NALCN: variants seen among roughly 807,000 people sequenced by gnomAD.
NALCN encodes the protein sodium leak channel, non-selective, also known as sodium leak channel NALCN.
Under a neutral mutation model 225.3 loss-of-function variants are expected in NALCN, and 111 were observed. The ratio of observed to expected loss-of-function variants is 0.49; its 90% CI spans 0.42 to 0.58. The LOEUF (loss-of-function observed/expected upper bound fraction) is 0.58, where lower values mean the gene tolerates loss of function less well. Ranked by LOEUF, NALCN falls within the 20% of genes least tolerant of loss-of-function variation. The pLI is 0.00. For synonymous variants in NALCN, 764 were observed against 769.0 expected, an observed-to-expected ratio of 0.99 and a Z score of 0.11; for missense variants, 1,378 against 2,202.4, an observed-to-expected ratio of 0.63 and a Z score of 7.49.
chr13:101,178,744 A>G (rs1249026963), intron 14 of NALCN, among the ~76,000 whole-genome samples: 1 of 152,224 alleles, frequency 6.6e-6, no homozygotes, highest in Non-Finnish European at 1.5e-5. Context: ...AACTATATTT[A>G]ACAAGTGGTG....
chr13:101,080,760 TA>T (rs1277294909), intron 34 of NALCN, among the ~76,000 whole-genome samples: 9 of 110,098 alleles, frequency 8.2e-5, no homozygotes, highest in South Asian at 3.8e-4. Flanking sequence ...ATTAAATAAT[TA>T]ATTATTATTT....
intron 7 of NALCN, among the ~76,000 whole-genome samples, chr13:101,320,536 TA>T (rs1418352240): frequency 6.6e-6 from 1 of 152,178 alleles, no homozygotes; most frequent in Non-Finnish European, 1.5e-5. Flanking sequence ...CAGTGCCATA[TA>T]AAGAAGGTTT....
intron 40 of NALCN, among the ~76,000 whole-genome samples, chr13:101,062,514 T>G (rs776968037): frequency 6.6e-6 from 1 of 152,200 alleles, no homozygotes; most frequent in Non-Finnish European, 1.5e-5. Context: ...ATGGTTAATA[T>G]GCTCGGCTGT....
At chr13:101,281,554 C>T (rs954912815) in intron 10 of NALCN, among the ~76,000 whole-genome samples, 9 of 152,148 alleles carry the variant, frequency 5.9e-5, no homozygotes, top group Admixed American at 3.3e-4. Flanking sequence ...GCAGCATAGT[C>T]AACATCAAAT....
intron 7 of NALCN, among the ~76,000 whole-genome samples, chr13:101,337,772 G>C (rs900981237): frequency 6.6e-6 from 1 of 152,152 alleles, no homozygotes; most frequent in Non-Finnish European, 1.5e-5. Flanking sequence ...ACAAGCCACA[G>C]GAATGAAGGT....
At chr13:101,145,150 C>T (rs1182258008) in intron 15 of NALCN, among the ~76,000 whole-genome samples, 4 of 152,092 alleles carry the variant, frequency 2.6e-5, no homozygotes, top group Admixed American at 6.6e-5. Flanking sequence ...TCAAGGAAAA[C>T]TTTATGTCAT....
rs114166449 is a variant in NALCN at position 101,091,997 on chromosome 13, C to T, written c.3270-2031G>A. Among the ~76,000 whole-genome samples, 554 of 152,274 alleles carry T rather than the reference C, an allele frequency of 3.6e-3. 6 individuals are homozygous for T. The highest frequency in any genetic ancestry group is 0.013 in the African/African-American group (527 of 41,544). The stretch of plus-strand genomic sequence containing the variant: ...GTAAAGTGTTTTCTTATGCTTTCTT[C>T]ATGCTAGCAAAGTTGCAAAGTTTGA... On this transcript the variant is annotated intron_variant, in intron 28 of 43. Coordinates refer to ENST00000251127, the MANE Select transcript of NALCN (RefSeq NM_052867.4).
intron 6 of NALCN, among the ~76,000 whole-genome samples, chr13:101,346,087 C>CTCTCTCTCTCTCTCTCTATATATATATA: frequency 1.6e-4 from 11 of 70,956 alleles, no homozygotes; most frequent in East Asian, 4.2e-4. Flanking sequence ...CTCTCTCTCT[C>CTCTCTCTCTCTCTCTCTATATATATATA]TATATATATA....
intron 1 of NALCN, among the ~76,000 whole-genome samples, chr13:101,407,373 A>G (rs549326982): frequency 1.9e-3 from 283 of 152,306 alleles, no homozygotes; most frequent in Middle Eastern, 6.8e-3. Flanking sequence ...GGACTTTGCA[A>G]TAGATGATAT....
intron 6 of NALCN, among the ~76,000 whole-genome samples, chr13:101,352,673 T>A (rs2045940098): frequency 6.6e-6 from 1 of 152,142 alleles, no homozygotes. Context: ...CATGAGCTGA[T>A]TATAAACTGT....
Position 101,111,194 on chromosome 13 carries a change from G to T in NALCN, c.2225C>A (p.Ser742Ter). Reference protein sequence around the residue: ...ACTRQRMLSGSFEGQPAKERS... With the variant: ...ACTRQRMLSG ...CTCCTTTGCGGGCTGCCCCTCAAAT[G>T]ATCCGCTCAGCATGCGCTGTCGGGT... Residue 742 changes from serine to a stop codon, truncating the protein, a stop_gained, in exon 19 of 44, where the codon TCA (serine) becomes TAA (stop). Coordinates refer to ENST00000251127, the MANE Select transcript of NALCN (RefSeq NM_052867.4). LOFTEE classifies it high-confidence loss of function. 1 of 1,606,894 alleles carries T rather than the reference G, an allele frequency of 6.2e-7. No homozygotes were observed. The highest frequency in any genetic ancestry group is 8.5e-7 in the Non-Finnish European group (1 of 1,175,108).
chr13:101,080,813 C>T (rs989765599), intron 34 of NALCN, among the ~76,000 whole-genome samples: 3 of 149,318 alleles, frequency 2.0e-5, no homozygotes, highest in Non-Finnish European at 3.0e-5. Flanking sequence ...ATTTTCTAAA[C>T]CACTACTTTT....
At chr13:101,176,157 C>A in intron 15 of NALCN, 143 bp downstream of exon 15, 1 of 451,978 alleles carries the variant, frequency 2.2e-6, no homozygotes, top group Admixed American at 4.3e-5. Context: ...AAAAGTTAAA[C>A]TTAACACCAT....
intron 13 of NALCN, among the ~76,000 whole-genome samples, chr13:101,215,928 T>G (rs2040713304): frequency 6.6e-6 from 1 of 152,036 alleles, no homozygotes; most frequent in Non-Finnish European, 1.5e-5. Flanking sequence ...ACAATCTCTA[T>G]TTATGACTGA....
chr13:101,187,228 G>A (rs2584529), intron 14 of NALCN, among the ~76,000 whole-genome samples: 75,710 of 151,890 alleles, frequency 0.5, 20,397 homozygotes, highest in African/African-American at 0.71. Context: ...TATTGTTGTT[G>A]ATTTCTTACT....
intron 6 of NALCN, among the ~76,000 whole-genome samples, chr13:101,356,638 A>T (rs2046070067): frequency 6.6e-6 from 1 of 152,222 alleles, no homozygotes; most frequent in Non-Finnish European, 1.5e-5. Context: ...TTCTGAAACT[A>T]TTCCAAAAGA....
At chr13:101,235,246 T>C (rs2041511394) in intron 12 of NALCN, among the ~76,000 whole-genome samples, 1 of 152,122 alleles carries the variant, frequency 6.6e-6, no homozygotes, top group Non-Finnish European at 1.5e-5. Context: ...ACAGTTTTCT[T>C]TTTTCTCTCA....
intron 1 of NALCN, among the ~76,000 whole-genome samples, chr13:101,400,537 T>G (rs1162475402): frequency 7.0e-6 from 1 of 143,452 alleles, no homozygotes; most frequent in African/African-American, 2.6e-5. Context: ...TACAAGAACA[T>G]GTTTGCAGTG....
chr13:101,269,233 T>TATATATAG (rs2042696292), intron 10 of NALCN, among the ~76,000 whole-genome samples: 1 of 150,360 alleles, frequency 6.7e-6, no homozygotes, highest in Non-Finnish European at 1.5e-5. Flanking sequence ...TATATATATA[T>TATATATAG]ATATATATTT....
Sources: allele counts gnomAD v4.1 joint callset (sites outside exome capture counted in the v4.1 genomes callset), GRCh38; gene constraint gnomAD v4.1.1; transcripts MANE v1.5; gene names NCBI Gene and HGNC (gene_info 2026-07-23, HGNC 2026-07-21).